ABCA4: variants seen among roughly 807,000 people sequenced by gnomAD.
The protein encoded by ABCA4 is retinal-specific phospholipid-transporting ATPase ABCA4.
Under a neutral mutation model 263.7 loss-of-function variants are expected in ABCA4, and 196 were observed. The observed-to-expected ratio is 0.74, with a 90% CI of 0.66 to 0.84. The LOEUF (loss-of-function observed/expected upper bound fraction) is 0.84. ABCA4 is among the 40% of genes least tolerant of loss of function. ABCA4 has a pLI of 0.00. For synonymous variants in ABCA4, 1,133 were observed against 1,094.2 expected (o/e 1.04, Z -0.70); for missense variants, 2,792 against 2,855.1 (o/e 0.98, Z 0.50).
rs1265079301 is a variant in ABCA4, at chr1:94,021,646, G to T, written c.4842C>A (p.Asn1614Lys). 5 of 1,611,270 alleles carry T rather than the reference G, an allele frequency of 3.1e-6. No homozygotes were observed. The highest frequency in any genetic ancestry group is 3.4e-6 in the Non-Finnish European group (4 of 1,178,262). The stretch of plus-strand genomic sequence containing the variant: ...TTATACATAGGTCAAGTACCTTAAT[G>T]TTGTCTTCAGTTTCTAGATGTTTAA... ...DFLKHLETED[N>K]IKVWFNNKGW... The change falls in exon 34 of 50, where the codon AAC becomes AAA. Residue 1614 changes from asparagine to lysine, a missense_variant. Physicochemically the swap from Asn to Lys is moderately conservative, Grantham distance 94. Coordinates refer to ENST00000370225, the MANE Select transcript of ABCA4 (RefSeq NM_000350.3).
chr1:94,068,856 T>C (rs888721273), intron 11 of ABCA4, among the ~76,000 whole-genome samples: 1 of 152,256 alleles, frequency 6.6e-6, no homozygotes, highest in Non-Finnish European at 1.5e-5. Flanking sequence ...CAGAGGCAGA[T>C]TCTGGGCAAA....
intron 8 of ABCA4, among the ~76,000 whole-genome samples, 168 bp from the exon 9 acceptor site, chr1:94,079,629 T>C (rs1235727656): frequency 6.6e-6 from 1 of 152,198 alleles, no homozygotes; most frequent in Non-Finnish European, 1.5e-5. Flanking sequence ...TCATCATTAG[T>C]AGCAAAATGC....
intron 23 of ABCA4, 46 bp from the exon 24 acceptor site, chr1:94,040,173 A>G (rs748856012): frequency 1.3e-6 from 2 of 1,481,984 alleles, no homozygotes; most frequent in Non-Finnish European, 1.9e-6. Context: ...CATCCCTTCC[A>G]TGACAGCCTC....
intron 18 of ABCA4, among the ~76,000 whole-genome samples, chr1:94,048,353 C>T (rs1245906165): frequency 2.0e-5 from 3 of 152,174 alleles, no homozygotes; most frequent in African/African-American, 4.8e-5. Flanking sequence ...AAATCTGGGT[C>T]GTCAGTTTAG....
intron 3 of ABCA4, among the ~76,000 whole-genome samples, chr1:94,110,672 C>T (rs1276475433): frequency 6.6e-6 from 1 of 152,190 alleles, no homozygotes; most frequent in Non-Finnish European, 1.5e-5. Flanking sequence ...AAGGGAATTC[C>T]GAAGGCAGAC....
intron 26 of ABCA4, 49 bp from the exon 27 acceptor site, chr1:94,032,092 G>A: frequency 6.3e-7 from 1 of 1,599,948 alleles, no homozygotes; most frequent in Non-Finnish European, 8.5e-7. Context: ...TATAAGGTCT[G>A]GATCTCTAAT....
intron 5 of ABCA4, among the ~76,000 whole-genome samples, chr1:94,101,741 A>C (rs1051308133): frequency 1.3e-5 from 2 of 152,206 alleles, no homozygotes; most frequent in Admixed American, 1.3e-4. Flanking sequence ...GCTGCTGCAG[A>C]TCTAGCATTC....
rs1275820554 is a variant in ABCA4 at position 94,113,085 on chromosome 1, AAG to A, written c.67-21_67-20del. The A allele has an allele frequency of 1.9e-6, 3 of 1,608,292 alleles. No homozygotes were observed. Among genetic ancestry groups the A allele is most frequent in the Non-Finnish European group, 2.6e-6 (3 of 1,174,878 alleles). Reference sequence around the variant, plus strand: ...AGCGAATCTGGAAAAACAAAACAAAAAGAGAGAAAGTTCAGTGGTGCTAAGAG... The same window carrying A: ...AGCGAATCTGGAAAAACAAAACAAAAAGAGAAAGTTCAGTGGTGCTAAGAG... On this transcript the variant is annotated intron_variant, in intron 1 of 49. Coordinates refer to ENST00000370225, the MANE Select transcript of ABCA4 (RefSeq NM_000350.3).
At position 94,025,056 on chromosome 1, in the gene ABCA4, A is replaced by C. The variant is rs752607057; in HGVS notation, c.4540-8T>G. The C allele has an allele frequency of 6.2e-7, 1 of 1,612,336 alleles. No homozygotes were observed. The highest frequency in any genetic ancestry group is 8.5e-7 in the Non-Finnish European group (1 of 1,178,318). On this transcript the variant is annotated splice_region_variant and splice_polypyrimidine_tract_variant and intron_variant, in intron 30 of 49. Coordinates refer to ENST00000370225, the MANE Select transcript of ABCA4 (RefSeq NM_000350.3). ...CGTGCTGCGCTGTGTTCTCTGAGGC[A>C]ATGAGACACCCACGTTAATTACCTT... is the stretch of plus-strand genomic sequence containing the variant.
At chr1:94,048,813 C>T (rs1186001099) in intron 18 of ABCA4, 55 bp downstream of exon 18, 3 of 1,552,026 alleles carry the variant, frequency 1.9e-6, no homozygotes, top group Non-Finnish European at 2.7e-6. Flanking sequence ...TGGCCCTCTG[C>T]AGTGCTTAGA....
chr1:94,105,015 G>C (rs182781114), intron 4 of ABCA4, among the ~76,000 whole-genome samples: 2 of 151,894 alleles, frequency 1.3e-5, no homozygotes, highest in Non-Finnish European at 2.9e-5. Context: ...ACATGCACAC[G>C]CACGCATATG....
At chr1:94,008,418 T>C (rs1659456639) in intron 41 of ABCA4, 121 bp from the exon 42 acceptor site, 5 of 1,010,820 alleles carry the variant, frequency 4.9e-6, no homozygotes, top group Non-Finnish European at 7.8e-6. Flanking sequence ...GGTTACATAT[T>C]GACATGGGCA....
chr1:94,029,579 T>C lies in ABCA4; in HGVS notation c.4405A>G (p.Asn1469Asp), dbSNP rs769441167. The change falls in exon 30 of 50, where the codon AAC (asparagine) becomes GAC (aspartate). Residue 1469 changes from asparagine to aspartate, a missense_variant. Coordinates refer to ENST00000370225, the MANE Select transcript of ABCA4 (RefSeq NM_000350.3). ...TPWKTPSVSP[N>D]ITQLFQKQKW... ...TGCTTCTGGAACAGCTGGGTGATGT[T>C]TGGGGACACAGAAGGAGTCTTCCAG... 17 of 1,613,906 alleles carry C rather than the reference T, an allele frequency of 1.1e-5. No individual in the cohort carries two copies. The highest frequency in any genetic ancestry group is 5.0e-5 in the Admixed American group (3 of 59,986).
At chr1:94,108,818 G>C in intron 3 of ABCA4, 102 bp from the exon 4 acceptor site, 1 of 1,407,184 alleles carries the variant, frequency 7.1e-7, no homozygotes, top group African/African-American at 1.4e-5. Flanking sequence ...TGTCACCCAG[G>C]CTGGAGTGCA....
chr1:94,016,636 GA>G (rs934742865), intron 36 of ABCA4, among the ~76,000 whole-genome samples: 2 of 151,896 alleles, frequency 1.3e-5, no homozygotes, highest in Non-Finnish European at 2.9e-5. Context: ...GATGTGGAAA[GA>G]AAAAAAACTA....
chr1:94,046,932 T>C lies in ABCA4; in HGVS notation c.2905A>G (p.Lys969Glu), dbSNP rs1660700260. ...TGGAAGACTCACAAGGTGGTGGTTTTCCCAGCTCCATTGTGGCCCAGGAAT... is the reference window on the plus strand; with the variant it reads ...TGGAAGACTCACAAGGTGGTGGTTTCCCCAGCTCCATTGTGGCCCAGGAAT... ...TAFLGHNGAG[K>E]TTTLSILTGL... Residue 969 changes from lysine to glutamate, a missense_variant, in exon 19 of 50, where the codon AAA (lysine) becomes GAA (glutamate). Lys to Glu is a moderately conservative substitution (Grantham distance 56, BLOSUM62 1). Coordinates refer to ENST00000370225, the MANE Select transcript of ABCA4 (RefSeq NM_000350.3). 1 of 1,614,112 alleles carries C rather than the reference T, an allele frequency of 6.2e-7. No individual in the cohort carries two copies. The highest frequency in any genetic ancestry group is 8.5e-7 in the Non-Finnish European group (1 of 1,180,030).
At chr1:94,035,257 T>C (rs1202102408) in intron 26 of ABCA4, among the ~76,000 whole-genome samples, 2 of 152,228 alleles carry the variant, frequency 1.3e-5, no homozygotes, top group African/African-American at 4.8e-5. Flanking sequence ...ATTAGCATAT[T>C]TTCATTCTGG....
intron 30 of ABCA4, among the ~76,000 whole-genome samples, chr1:94,026,274 T>A (rs1310107856): frequency 6.6e-6 from 1 of 152,196 alleles, no homozygotes; most frequent in African/African-American, 2.4e-5. Flanking sequence ...TCACCTTGTT[T>A]CTCTCTCTCC....
chr1:94,009,733 A>G (rs774133236), intron 40 of ABCA4, among the ~76,000 whole-genome samples: 1 of 152,214 alleles, frequency 6.6e-6, no homozygotes. Flanking sequence ...GCCCTAAAGC[A>G]GGCAGGACTC....
Sources: allele counts gnomAD v4.1 joint callset (sites outside exome capture counted in the v4.1 genomes callset), GRCh38; gene constraint gnomAD v4.1.1; transcripts MANE v1.5; gene names NCBI Gene and HGNC (gene_info 2026-07-23, HGNC 2026-07-21).